LRRTM4: variants seen among roughly 807,000 people sequenced by gnomAD.
LRRTM4 encodes leucine rich repeat transmembrane neuronal 4, also known as leucine-rich repeat transmembrane neuronal protein 4.
LRRTM4 carries 25 observed loss-of-function variants against 47.6 expected under a neutral mutation model. The ratio of observed to expected loss-of-function variants is 0.53; its 90% CI spans 0.38 to 0.73. The LOEUF (loss-of-function observed/expected upper bound fraction) is 0.73, where lower values mean the gene tolerates loss of function less well. LRRTM4 is among the 30% of genes least tolerant of loss of function. The probability of loss-of-function intolerance (pLI) is 0.00; values close to 1 mark genes in which losing one functional copy is unlikely to be tolerated. For missense variants in LRRTM4, 638 were observed against 713.4 expected (o/e 0.89, Z 1.20); for synonymous variants, 311 against 269.5 (o/e 1.15, Z -1.51).
At chr2:77,327,281 A>C (rs1670812514) in intron 3 of LRRTM4, among the ~76,000 whole-genome samples, 1 of 152,224 alleles carries the variant, frequency 6.6e-6, no homozygotes, top group African/African-American at 2.4e-5. Flanking sequence ...GATTTTAAAA[A>C]GAAAATGGAG....
intron 3 of LRRTM4, among the ~76,000 whole-genome samples, chr2:77,489,767 C>T (rs1678065237): frequency 6.6e-6 from 1 of 152,178 alleles, no homozygotes; most frequent in African/African-American, 2.4e-5. Context: ...GAAAACTGGA[C>T]AGCAAACTCT....
chr2:77,145,764 G>A (rs6708154), intron 3 of LRRTM4, among the ~76,000 whole-genome samples: 93,855 of 151,178 alleles, frequency 0.62, 30,084 homozygotes, highest in African/African-American at 0.79. Flanking sequence ...ACAAAGCGAG[G>A]CTCCGTCTCA....
intron 3 of LRRTM4, among the ~76,000 whole-genome samples, chr2:77,152,443 C>A (rs1672454643): frequency 6.6e-6 from 1 of 152,100 alleles, no homozygotes; most frequent in Non-Finnish European, 1.5e-5. Flanking sequence ...ATTCTCCTGC[C>A]TCAGCCTCCC....
rs895023703 is a variant in LRRTM4, at chr2:76,748,807, G to A, written c.1661C>T (p.Ser554Phe). ...LHVTKGYETV[S>F]PEQDESPGLE... ...GCCGGGGCTTTCGTCCTGCTCTGGA[G>A]ACACTGTCTCATAGCCCTTGGTGAC... is the stretch of plus-strand genomic sequence containing the variant. Residue 554 changes from serine to phenylalanine, a missense_variant, in exon 4 of 4, where the codon TCT becomes TTT. Transcript: ENST00000409884. The A allele has an allele frequency of 3.1e-6, 5 of 1,613,922 alleles. No homozygotes were observed. The highest frequency in any genetic ancestry group is 3.4e-6 in the Non-Finnish European group (4 of 1,179,910).
At chr2:76,790,106 G>C (rs1238493095) in intron 3 of LRRTM4, among the ~76,000 whole-genome samples, 2 of 152,146 alleles carry the variant, frequency 1.3e-5, no homozygotes, top group Non-Finnish European at 2.9e-5. Flanking sequence ...TAGCATCAGA[G>C]ATTTTGGTTT....
chr2:76,980,254 C>A (rs1180710335), intron 3 of LRRTM4, among the ~76,000 whole-genome samples: 4 of 151,984 alleles, frequency 2.6e-5, no homozygotes, highest in Non-Finnish European at 5.9e-5. Context: ...AGTTGAGTCC[C>A]TGGGGGAAGC....
chr2:77,493,093 A>G (rs1178809145), intron 3 of LRRTM4, among the ~76,000 whole-genome samples: 1 of 152,158 alleles, frequency 6.6e-6, no homozygotes, highest in African/African-American at 2.4e-5. Context: ...AAATCTATTT[A>G]GAAATTATCA....
At chr2:77,248,681 C>T (rs1459275059) in intron 3 of LRRTM4, among the ~76,000 whole-genome samples, 3 of 152,066 alleles carry the variant, frequency 2.0e-5, no homozygotes, top group Non-Finnish European at 4.4e-5. Flanking sequence ...CAGTATGGTA[C>T]TGGCAAAATA....
At chr2:77,318,000 CTTTTTTTTTTTTTT>C (rs61212194) in intron 3 of LRRTM4, among the ~76,000 whole-genome samples, 2 of 99,760 alleles carry the variant, frequency 2.0e-5, no homozygotes, top group Non-Finnish European at 3.7e-5. Context: ...ATTCCTAACA[CTTTTTTTTTTTTTT>C]TTTTTTTTTT....
intron 3 of LRRTM4, among the ~76,000 whole-genome samples, chr2:77,465,156 A>C (rs992871831): frequency 6.6e-6 from 1 of 152,144 alleles, no homozygotes; most frequent in African/African-American, 2.4e-5. Context: ...GGTAACATAC[A>C]ATCTTCACGA....
At chr2:77,409,948 A>C (rs1191335319) in intron 3 of LRRTM4, among the ~76,000 whole-genome samples, 3 of 152,138 alleles carry the variant, frequency 2.0e-5, no homozygotes, top group Non-Finnish European at 4.4e-5. Flanking sequence ...ACCTTGACCT[A>C]ATTCCTGAAT....
intron 3 of LRRTM4, among the ~76,000 whole-genome samples, chr2:76,801,086 A>G (rs182676520): frequency 5.3e-5 from 8 of 151,888 alleles, no homozygotes; most frequent in Middle Eastern, 3.4e-3. Flanking sequence ...TAGTTCGACC[A>G]TTGTGGAAGT....
intron 3 of LRRTM4, among the ~76,000 whole-genome samples, chr2:77,052,126 C>CA (rs375571418): frequency 0.029 from 3,117 of 108,246 alleles, 124 homozygotes; most frequent in African/African-American, 0.11. Flanking sequence ...AAAAGGAATG[C>CA]AAAAAAAAAT....
At chr2:77,134,943 T>C (rs1421855664) in intron 3 of LRRTM4, among the ~76,000 whole-genome samples, 1 of 152,082 alleles carries the variant, frequency 6.6e-6, no homozygotes, top group Non-Finnish European at 1.5e-5. Flanking sequence ...ATGGTAATTT[T>C]AGTTATTTAG....
chr2:77,309,266 A>G (rs746683028), intron 3 of LRRTM4, among the ~76,000 whole-genome samples: 39 of 152,196 alleles, frequency 2.6e-4, no homozygotes, highest in Admixed American at 1.3e-3. Flanking sequence ...GGAAGAGTAG[A>G]GTGACAAATG....
chr2:77,093,848 T>A (rs369721460), intron 3 of LRRTM4, among the ~76,000 whole-genome samples: 1 of 151,828 alleles, frequency 6.6e-6, no homozygotes, highest in African/African-American at 2.4e-5. Context: ...AGTGATGACA[T>A]TACCTTGTGA....
At chr2:76,900,035 C>T (rs774383353) in intron 3 of LRRTM4, among the ~76,000 whole-genome samples, 1 of 152,064 alleles carries the variant, frequency 6.6e-6, no homozygotes, top group Non-Finnish European at 1.5e-5. Context: ...TTGAGACCAG[C>T]CTGACCAATA....
intron 3 of LRRTM4, among the ~76,000 whole-genome samples, chr2:77,145,775 A>AT (rs1248681185): frequency 1.0e-4 from 15 of 146,816 alleles, no homozygotes; most frequent in African/African-American, 3.0e-4. Flanking sequence ...CTCCGTCTCA[A>AT]AAAATAAATA....
intron 3 of LRRTM4, among the ~76,000 whole-genome samples, chr2:77,512,441 G>T (rs1425723054): frequency 1.3e-5 from 2 of 151,944 alleles, no homozygotes; most frequent in African/African-American, 2.4e-5. Flanking sequence ...ATGAATGATG[G>T]TTCTTCTGGT....
Sources: allele counts gnomAD v4.1 joint callset (sites outside exome capture counted in the v4.1 genomes callset), GRCh38; gene constraint gnomAD v4.1.1; transcripts MANE v1.5; gene names NCBI Gene and HGNC (gene_info 2026-07-23, HGNC 2026-07-21).